Variants in ZSCAN18 observed in about 807,000 individuals in gnomAD.
The protein encoded by ZSCAN18 is zinc finger and SCAN domain containing 18.
A neutral mutation model predicts 31.1 loss-of-function variants in ZSCAN18; 16 were observed. That is an observed-to-expected ratio of 0.51 (90% CI 0.35 to 0.78). The LOEUF (loss-of-function observed/expected upper bound fraction) is 0.78. Ranked by LOEUF, ZSCAN18 falls within the 30% of genes least tolerant of loss-of-function variation. The probability of loss-of-function intolerance (pLI) is 0.01; values close to 1 mark genes in which losing one functional copy is unlikely to be tolerated. For missense variants in ZSCAN18, 731 were observed against 697.4 expected (o/e 1.05, Z -0.54); for synonymous variants, 375 against 320.7 (o/e 1.17, Z -1.81).
At chr19:58,113,959 CAG>C (rs2074709266) in intron 1 of ZSCAN18, among the ~76,000 whole-genome samples, 1 of 151,884 alleles carries the variant, frequency 6.6e-6, no homozygotes, top group Admixed American at 6.6e-5. Flanking sequence ...GCCTGGGCAA[CAG>C]AGAGACTCCA....
intron 1 of ZSCAN18, chr19:58,107,594 G>T: frequency 1.1e-6 from 1 of 887,526 alleles, no homozygotes; most frequent in Non-Finnish European, 1.3e-6. Flanking sequence ...TGCACCATGC[G>T]GTAAACACAT....
At position 58,084,884 on chromosome 19, in the gene ZSCAN18, C is replaced by T. The variant is rs2074231345; in HGVS notation, c.1334G>A (p.Gly445Asp). ...GCTGAAGTGGAAGGTCTTCCAGCAG[C>T]CCTGACAGGCGTAGCGCTTCCGGCC... is the stretch of plus-strand genomic sequence containing the variant. ...HGGRKRYACQ[G>D]CWKTFHFSLA... The change falls in exon 7 of 7, where the codon GGC becomes GAC. Residue 445 changes from glycine to aspartate, a missense_variant. Coordinates refer to ENST00000601144, the MANE Select transcript of ZSCAN18 (RefSeq NM_001145543.2). This position sits in a 1 kb window ranked among gnomAD's most constrained non-coding sequence, Gnocchi z 4.5. 4 of 1,596,898 alleles carry T rather than the reference C, an allele frequency of 2.5e-6. No homozygotes were observed. The highest frequency in any genetic ancestry group is 4.5e-5 in the East Asian group (2 of 44,228).
upstream of ZSCAN18, among the ~76,000 whole-genome samples, chr19:58,102,895 G>C (rs2074606606): frequency 6.6e-6 from 1 of 152,128 alleles, no homozygotes; most frequent in Admixed American, 6.5e-5. Flanking sequence ...ACTTTGGGAG[G>C]CCGAGGTGGG....
chr19:58,096,598 T>C (rs1330387988), intron 1 of ZSCAN18, among the ~76,000 whole-genome samples: 1 of 152,330 alleles, frequency 6.6e-6, no homozygotes, highest in East Asian at 1.9e-4. Flanking sequence ...AAGCCTGGTT[T>C]GGCCCTCCGT....
chr19:58,096,704 C>T (rs2074525978), intron 1 of ZSCAN18, among the ~76,000 whole-genome samples: 1 of 152,336 alleles, frequency 6.6e-6, no homozygotes, highest in Non-Finnish European at 1.5e-5. Flanking sequence ...CAGCCACAGG[C>T]CTGAGGATCA....
In ZSCAN18 at chr19:58,090,145, G is replaced by T; in HGVS notation, c.123C>A (p.Thr41=). The T allele has an allele frequency of 6.2e-7, 1 of 1,613,804 alleles. No homozygotes were observed. The highest frequency in any genetic ancestry group is 8.5e-7 in the Non-Finnish European group (1 of 1,179,932). Residue 41 remains threonine (T), a synonymous_variant, in exon 2 of 7, where the codon ACC becomes ACA. Transcript: ENST00000601144. The surrounding 1 kb of genome is among the most constrained non-coding windows in gnomAD (Gnocchi z 4.7). The stretch of plus-strand genomic sequence containing the variant: ...GGCGGGAGAACTCCAGGTCAGCAGG[G>T]GTCCTCTCAGGGATGGTCTCGGGTT... The part of the protein sequence containing the change: ...QEEPETIPER[T]PADLEFSRLR...
intron 1 of ZSCAN18, among the ~76,000 whole-genome samples, chr19:58,113,231 G>A (rs533361303): frequency 6.6e-6 from 1 of 151,434 alleles, no homozygotes; most frequent in South Asian, 2.1e-4. Flanking sequence ...CACGAGAATG[G>A]CGTGAACCCG....
chr19:58,091,402 C>T (rs2074407453), intron 1 of ZSCAN18, among the ~76,000 whole-genome samples: 1 of 151,926 alleles, frequency 6.6e-6, no homozygotes, highest in South Asian at 2.1e-4. Flanking sequence ...GCGTAGGGAG[C>T]GGGGGGCTCC....
intron 1 of ZSCAN18, among the ~76,000 whole-genome samples, chr19:58,095,764 C>G (rs2074509685): frequency 6.6e-6 from 1 of 152,216 alleles, no homozygotes; most frequent in African/African-American, 2.4e-5. Context: ...CTCCTCGCCT[C>G]TGTGCCCTTC....
chr19:58,087,693 G>A (rs2074312207), intron 3 of ZSCAN18: 1 of 322,666 alleles, frequency 3.1e-6, no homozygotes. Context: ...TGTCACCTAG[G>A]CTGGAGTGCA....
intron 1 of ZSCAN18, 108 bp downstream of exon 1, chr19:58,098,066 G>A (rs1300507421): frequency 2.0e-6 from 2 of 985,418 alleles, no homozygotes; most frequent in African/African-American, 3.5e-5. Flanking sequence ...CCCAACCCCG[G>A]GAACACCCTG....
At chr19:58,098,432 A>T (rs1428398748), upstream of ZSCAN18, 4 of 959,306 alleles carry the variant, frequency 4.2e-6, no homozygotes, top group East Asian at 4.6e-4. Context: ...GCAACGAAGT[A>T]AACAAGCGGG....
At chr19:58,086,302 T>G in intron 5 of ZSCAN18, 36 bp from the exon 6 acceptor site, 1 of 1,597,860 alleles carries the variant, frequency 6.3e-7, no homozygotes, top group Non-Finnish European at 8.6e-7. Context: ...ATAAAAGGCA[T>G]CAACACAGAG....
At chr19:58,114,775 T>C (rs753174423) in intron 1 of ZSCAN18, among the ~76,000 whole-genome samples, 10 of 152,172 alleles carry the variant, frequency 6.6e-5, no homozygotes, top group Non-Finnish European at 1.5e-4. Context: ...ATGATACTCT[T>C]TTTTCTCAAC....
At chr19:58,098,988 A>G (rs1198459530), upstream of ZSCAN18, among the ~76,000 whole-genome samples, 2 of 152,184 alleles carry the variant, frequency 1.3e-5, no homozygotes, top group Admixed American at 1.3e-4. Flanking sequence ...AAAGCCCCAT[A>G]TAAATGTAGC....
At chr19:58,108,728 C>G in intron 1 of ZSCAN18, 1 of 985,530 alleles carries the variant, frequency 1.0e-6, no homozygotes, top group African/African-American at 1.7e-5. Context: ...GTGTCCCTAT[C>G]AAACACCTCC....
At chr19:58,108,246 C>G in intron 1 of ZSCAN18, 4 of 985,414 alleles carry the variant, frequency 4.1e-6, no homozygotes, top group Non-Finnish European at 4.8e-6. Flanking sequence ...CTTTCTACAC[C>G]CAGTACATAC....
At chr19:58,097,819 TCATCTCTCCCC>T (rs1440651677) in intron 1 of ZSCAN18, 2 of 146,392 alleles carry the variant, frequency 1.4e-5, no homozygotes, top group Non-Finnish European at 2.1e-5. Context: ...TCCCCCTCCC[TCATCTCTCCCC>T]CATCAGGAGC....
chr19:58,086,114 C>G (rs1463770249), intron 6 of ZSCAN18, 60 bp downstream of exon 6: 1 of 1,524,410 alleles, frequency 6.6e-7, no homozygotes, highest in African/African-American at 1.4e-5. Flanking sequence ...GGGGCCCCCT[C>G]AGCCTCTGAA....
Sources: gnomAD v4.1 joint callset for allele counts (sites outside exome capture counted in the v4.1 genomes callset) on GRCh38, gnomAD v4.1.1 for gene constraint, Gnocchi (gnomAD v3.1) non-coding constraint, MANE v1.5 for transcripts, NCBI Gene and HGNC (gene_info 2026-07-23, HGNC 2026-07-21) for gene names.